The following TMEM244 variants were observed in gnomAD, a reference collection of about 807,000 sequenced individuals.
The protein encoded by TMEM244 is putative transmembrane protein 244.
TMEM244 carries 13 observed loss-of-function variants against 15.8 expected under a neutral mutation model. The ratio of observed to expected loss-of-function variants is 0.82; its 90% CI spans 0.53 to 1.30. The LOEUF (loss-of-function observed/expected upper bound fraction) is 1.30. Ranked by LOEUF, TMEM244 falls within the 50% of genes most tolerant of loss-of-function variation. TMEM244 has a pLI of 0.00. For synonymous variants in TMEM244, 45 were observed against 48.7 expected (o/e 0.92, Z 0.32); for missense variants, 161 against 144.9 (o/e 1.11, Z -0.57).
chr6:129,837,466 A>C (rs1250261297), intron 3 of TMEM244, among the ~76,000 whole-genome samples: 1 of 152,238 alleles, frequency 6.6e-6, no homozygotes, highest in East Asian at 1.9e-4. Context: ...GCCACTGCAA[A>C]AACATGCCAA....
Position 129,837,059 on chromosome 6 carries a change from C to T in TMEM244, c.194-3474G>A, listed in dbSNP as rs187775401. On this transcript the variant is annotated intron_variant, in intron 3 of 4. Transcript: ENST00000368143. ...AGCAAGGCAGGCCAACATTCAAATTCAGAAAATAGAGAGACACCACAAAGA... is the reference window on the plus strand; with the variant it reads ...AGCAAGGCAGGCCAACATTCAAATTTAGAAAATAGAGAGACACCACAAAGA... Among the ~76,000 whole-genome samples, 28 of 152,222 alleles carry T rather than the reference C, an allele frequency of 1.8e-4. No individual in the cohort carries two copies. The East Asian group carries it at 5.4e-3, about 29-fold the overall frequency.
chr6:129,847,099 C>T (rs947756774), intron 1 of TMEM244, among the ~76,000 whole-genome samples: 1 of 151,932 alleles, frequency 6.6e-6, no homozygotes, highest in African/African-American at 2.4e-5. Flanking sequence ...TAAACTCACA[C>T]AAATGTTAGA....
intron 3 of TMEM244, among the ~76,000 whole-genome samples, chr6:129,840,876 A>G (rs1776480080): frequency 6.6e-6 from 1 of 152,208 alleles, no homozygotes; most frequent in South Asian, 2.1e-4. Flanking sequence ...ACAATGAGAT[A>G]CCATCTCATG....
intron 3 of TMEM244, among the ~76,000 whole-genome samples, chr6:129,841,540 G>T (rs929915585): frequency 2.0e-5 from 3 of 152,040 alleles, no homozygotes; most frequent in African/African-American, 7.2e-5. Flanking sequence ...TGCACATTGT[G>T]CCCATGTACC....
Position 129,831,375 on chromosome 6 carries a change from A to C in TMEM244, c.331T>G (p.Phe111Val), listed in dbSNP as rs7776426. ...GCCCACCAATGTGATGTCAAGGGGAATTCCAACATAACTGCAATAGAAAAA... is the reference window on the plus strand; with the variant it reads ...GCCCACCAATGTGATGTCAAGGGGACTTCCAACATAACTGCAATAGAAAAA... Reference protein sequence around the residue: ...VAITSTVMLEFPLTSHWWAAL... With the variant: ...VAITSTVMLEVPLTSHWWAAL... The change falls in exon 5 of 5, where the codon TTC (phenylalanine) becomes GTC (valine). Residue 111 changes from phenylalanine (F) to valine (V), a missense_variant. Transcript: ENST00000368143. 639,773 of 1,532,124 alleles carry C rather than the reference A, an allele frequency of 0.42. 145,747 individuals are homozygous for C. Among genetic ancestry groups the C allele is most frequent in the Non-Finnish European group, 0.47 (518,868 of 1,105,126 alleles). The allele number at this position is 1,532,124 out of a possible 1,614,324, so 94.9% of individuals were successfully genotyped here. A position where few individuals can be genotyped will look rare whatever the true frequency, so the allele number is the denominator to read the frequency against.
chr6:129,850,269 G>C (rs866177761), intron 1 of TMEM244, among the ~76,000 whole-genome samples: 1 of 152,132 alleles, frequency 6.6e-6, no homozygotes, highest in Non-Finnish European at 1.5e-5. Context: ...GAAGTCAGAC[G>C]TGAAGGGAAA....
chr6:129,849,438 CT>C (rs1776607132), intron 1 of TMEM244, among the ~76,000 whole-genome samples: 3 of 152,158 alleles, frequency 2.0e-5, no homozygotes, highest in Middle Eastern at 6.8e-3. Flanking sequence ...TGCTTGATGT[CT>C]TTTTAGGCCC....
At chr6:129,850,330 T>C (rs62421260) in intron 1 of TMEM244, among the ~76,000 whole-genome samples, 3,421 of 152,226 alleles carry the variant, frequency 0.022, 135 homozygotes, top group Admixed American at 0.1. Context: ...CTGGGGAGAC[T>C]GAAAGATTTA....
chr6:129,861,312 T>C lies in TMEM244; in HGVS notation c.-124A>G. On this transcript the variant is annotated 5_prime_UTR_variant, in exon 1 of 5. Transcript: ENST00000368143. Reference sequence around the variant, plus strand: ...CCTGGAGACTAAGTGTGAGACGCAGTAGTGCAGGATGATTGGATTACGCAA... The same window carrying C: ...CCTGGAGACTAAGTGTGAGACGCAGCAGTGCAGGATGATTGGATTACGCAA... 1 of 1,105,168 alleles carries C rather than the reference T, an allele frequency of 9.0e-7. No individual in the cohort carries two copies. The highest frequency in any genetic ancestry group is 1.3e-6 in the Non-Finnish European group (1 of 752,018). The allele number at this position is 1,105,168 out of a possible 1,614,324, so 68.5% of individuals were successfully genotyped here.
intron 2 of TMEM244, among the ~76,000 whole-genome samples, chr6:129,845,182 G>A (rs894425572): frequency 8.5e-5 from 13 of 152,166 alleles, no homozygotes; most frequent in African/African-American, 9.7e-5. Context: ...ATACACTGTC[G>A]TTTGGTCAAG....
At chr6:129,851,429 C>G (rs552180062) in intron 1 of TMEM244, among the ~76,000 whole-genome samples, 4 of 152,174 alleles carry the variant, frequency 2.6e-5, no homozygotes, top group South Asian at 2.1e-4. Flanking sequence ...CCACCATGCC[C>G]AGCAAATTTT....
intron 2 of TMEM244, among the ~76,000 whole-genome samples, chr6:129,844,302 A>T (rs1354874193): frequency 6.6e-6 from 1 of 152,188 alleles, no homozygotes; most frequent in Non-Finnish European, 1.5e-5. Context: ...TTGATGTCTC[A>T]GCTAGAATCT....
chr6:129,837,595 G>T (rs9375668), intron 3 of TMEM244, among the ~76,000 whole-genome samples: 6 of 151,970 alleles, frequency 3.9e-5, no homozygotes, highest in African/African-American at 1.2e-4. Context: ...AAATGTAAAT[G>T]GGCTAAATGC....
chr6:129,831,954 T>C (rs9398925), intron 4 of TMEM244, among the ~76,000 whole-genome samples: 21,917 of 152,132 alleles, frequency 0.14, 1,766 homozygotes, highest in South Asian at 0.24. Flanking sequence ...CAGTGATTGT[T>C]TGAGTTACTG....
intron 1 of TMEM244, among the ~76,000 whole-genome samples, chr6:129,857,221 A>G (rs1776724538): frequency 6.6e-6 from 1 of 151,830 alleles, no homozygotes; most frequent in African/African-American, 2.4e-5. Flanking sequence ...AAATAGAGAT[A>G]GTTTTACTTC....
chr6:129,837,964 A>G (rs1776433208), intron 3 of TMEM244, among the ~76,000 whole-genome samples: 1 of 152,186 alleles, frequency 6.6e-6, no homozygotes, highest in African/African-American at 2.4e-5. Flanking sequence ...CTCCCACACA[A>G]TAATAATGGT....
At chr6:129,852,476 G>A (rs986053528) in intron 1 of TMEM244, among the ~76,000 whole-genome samples, 16 of 152,130 alleles carry the variant, frequency 1.1e-4, no homozygotes, top group South Asian at 1.0e-3. Flanking sequence ...CTGGCACTTC[G>A]CCTTCTTTGT....
At chr6:129,843,330 A>G (rs1776516489) in intron 3 of TMEM244, among the ~76,000 whole-genome samples, 200 bp downstream of exon 3, 1 of 152,080 alleles carries the variant, frequency 6.6e-6, no homozygotes, top group African/African-American at 2.4e-5. Flanking sequence ...TTCTCCACTT[A>G]TTCCATATTA....
chr6:129,850,751 A>G (rs1776627157), intron 1 of TMEM244, among the ~76,000 whole-genome samples: 1 of 152,262 alleles, frequency 6.6e-6, no homozygotes, highest in Non-Finnish European at 1.5e-5. Context: ...AATCATTAAA[A>G]ATAGAGATGT....
Sources: allele counts gnomAD v4.1 joint callset (sites outside exome capture counted in the v4.1 genomes callset), GRCh38; gene constraint gnomAD v4.1.1; transcripts MANE v1.5; gene names NCBI Gene and HGNC (gene_info 2026-07-23, HGNC 2026-07-21).